Variants in LMO1 observed in about 807,000 individuals in gnomAD.
The protein encoded by LMO1 is rhombotin-1.
Under a neutral mutation model 18.0 loss-of-function variants are expected in LMO1, and 10 were observed. The ratio of observed to expected loss-of-function variants is 0.55; its 90% CI spans 0.34 to 0.94. The LOEUF (loss-of-function observed/expected upper bound fraction) is 0.94. Ranked by LOEUF, LMO1 falls within the 40% of genes least tolerant of loss-of-function variation. LMO1 has a pLI of 0.02. For synonymous variants in LMO1, 77 were observed against 77.9 expected (o/e 0.99, Z 0.06); for missense variants, 183 against 205.7 (o/e 0.89, Z 0.68).
chr11:8,254,880 G>A (rs1459046691), intron 1 of LMO1, among the ~76,000 whole-genome samples: 3 of 152,208 alleles, frequency 2.0e-5, no homozygotes, highest in South Asian at 2.1e-4. Context: ...TGAGCTGTGG[G>A]AGCTGGAACC....
rs569650292 is a variant in LMO1 at position 8,246,515 on chromosome 11, A to G, written c.26-16011T>C. ...AAGCTATACAGACAGAAAGTAGTTT[A>G]GTGGTTGCCAGGGAGGGAGGAATGG... On this transcript the variant is annotated intron_variant, in intron 1 of 3. Coordinates refer to ENST00000335790, the MANE Select transcript of LMO1 (RefSeq NM_002315.3). 4.6e-5 allele frequency among the ~76,000 whole-genome samples: 7 copies of G among 152,356 alleles called. No individual in the cohort carries two copies. The South Asian group carries it at 1.0e-3, about 23-fold the overall frequency.
At chr11:8,257,157 G>A (rs926462327) in intron 1 of LMO1, among the ~76,000 whole-genome samples, 1 of 152,196 alleles carries the variant, frequency 6.6e-6, no homozygotes, top group Non-Finnish European at 1.5e-5. Context: ...GGGAACAGAT[G>A]TACAGAATCT....
chr11:8,224,615 G>A lies in LMO1; in HGVS notation c.*1C>T, dbSNP rs754843994. 2.6e-5 allele frequency: 41 copies of A among 1,589,516 alleles called. No homozygotes were observed. Among genetic ancestry groups the A allele is most frequent in the South Asian group, 4.5e-5 (4 of 88,448 alleles). On this transcript the variant is annotated 3_prime_UTR_variant, in exon 4 of 4. Coordinates refer to ENST00000335790, the MANE Select transcript of LMO1 (RefSeq NM_002315.3). ...CGGGCCTGGAGGCCAGGCGCCGGGC[G>A]TTACTGAACTTGGGATTCAAAGGTG...
At chr11:8,251,129 A>C (rs189474809) in intron 1 of LMO1, among the ~76,000 whole-genome samples, 1 of 152,188 alleles carries the variant, frequency 6.6e-6, no homozygotes, top group Non-Finnish European at 1.5e-5. Context: ...GCCCTGCCAC[A>C]CCCATTCCCC....
rs1952498214 is a variant in LMO1, at chr11:8,224,538, AGAGT to A, written c.*74_*77del. 1 of 813,864 alleles carries A rather than the reference AGAGT, an allele frequency of 1.2e-6. No homozygotes were observed. The highest frequency in any genetic ancestry group is 2.0e-5 in the Admixed American group (1 of 48,950). 50.4% of individuals were successfully genotyped at this position (813,864 alleles called of 1,614,324 possible). ...GAGCGGCTGGCCAGCCTGCACTGGT[AGAGT>A]GGCTGGCTGGCCGGCCAGGCAGGTG... On this transcript the variant is annotated 3_prime_UTR_variant, in exon 4 of 4. Transcript: ENST00000335790.
intron 1 of LMO1, among the ~76,000 whole-genome samples, chr11:8,248,679 C>T (rs1214721435): frequency 6.6e-6 from 1 of 152,254 alleles, no homozygotes; most frequent in African/African-American, 2.4e-5. Context: ...CCAGAATCAG[C>T]AGCTTTCATG....
At chr11:8,225,749 A>G (rs761094453) in intron 3 of LMO1, among the ~76,000 whole-genome samples, 3 of 152,178 alleles carry the variant, frequency 2.0e-5, no homozygotes, top group Non-Finnish European at 4.4e-5. Flanking sequence ...ATCCCAGTTC[A>G]ACCACCAGGT....
At chr11:8,268,379 C>T (rs1847282381), upstream of LMO1, 1 of 1,455,714 alleles carries the variant, frequency 6.9e-7, no homozygotes. Flanking sequence ...GTCTCCGCCC[C>T]ACGTCCCGCG....
intron 1 of LMO1, among the ~76,000 whole-genome samples, chr11:8,256,229 A>T (rs1206858712): frequency 6.6e-6 from 1 of 152,264 alleles, no homozygotes; most frequent in Non-Finnish European, 1.5e-5. Flanking sequence ...GTAACTGTAC[A>T]GAGAGCAATG....
intron 1 of LMO1, among the ~76,000 whole-genome samples, chr11:8,251,938 G>T (rs1171227568): frequency 6.7e-6 from 1 of 150,184 alleles, no homozygotes; most frequent in Non-Finnish European, 1.5e-5. Context: ...TAATGTGTGT[G>T]AATGTATGTG....
upstream of LMO1, among the ~76,000 whole-genome samples, chr11:8,264,383 C>T (rs543203917): frequency 1.3e-3 from 202 of 152,262 alleles, no homozygotes; most frequent in Non-Finnish European, 2.4e-3. Context: ...ATTTACTGAG[C>T]ATGTATTATG....
At chr11:8,245,668 C>G (rs1846881941) in intron 1 of LMO1, among the ~76,000 whole-genome samples, 1 of 152,190 alleles carries the variant, frequency 6.6e-6, no homozygotes, top group South Asian at 2.1e-4. Flanking sequence ...GTTCGGACAA[C>G]CAAGGATGGC....
intron 1 of LMO1, among the ~76,000 whole-genome samples, chr11:8,248,487 C>T (rs1330292130): frequency 1.3e-5 from 2 of 152,340 alleles, no homozygotes; most frequent in African/African-American, 2.4e-5. Flanking sequence ...ACAGACCTCT[C>T]CCCTGAGGGA....
chr11:8,250,234 A>G (rs1846966687), intron 1 of LMO1, among the ~76,000 whole-genome samples: 2 of 152,242 alleles, frequency 1.3e-5, no homozygotes, highest in African/African-American at 2.4e-5. Flanking sequence ...CAACTTCTGC[A>G]GATCTAAACT....
chr11:8,236,741 C>T (rs1351915292), intron 1 of LMO1, among the ~76,000 whole-genome samples: 1 of 152,160 alleles, frequency 6.6e-6, no homozygotes, highest in Non-Finnish European at 1.5e-5. Context: ...GGGACTGTGT[C>T]TGTTTTATTC....
rs1445681874 is a variant in LMO1, at chr11:8,244,487, T to C, written c.26-13983A>G. Among the ~76,000 whole-genome samples the C allele has an allele frequency of 2.0e-5, 3 of 152,250 alleles. No individual in the cohort carries two copies. The East Asian group carries it at 5.8e-4, about 29-fold the overall frequency. On this transcript the variant is annotated intron_variant, in intron 1 of 3. Transcript: ENST00000335790. ...GTGTGTCTTTTTCAGTATAAATGAT[T>C]TATTACGATGATTAGCAGCACATAA...
chr11:8,242,784 G>A (rs1305995060), intron 1 of LMO1, among the ~76,000 whole-genome samples: 2 of 152,188 alleles, frequency 1.3e-5, no homozygotes, highest in African/African-American at 2.4e-5. Context: ...ACTCTCAGAC[G>A]AGTCTCAATT....
chr11:8,230,999 T>C (rs1047904640), intron 1 of LMO1, among the ~76,000 whole-genome samples: 3 of 152,158 alleles, frequency 2.0e-5, no homozygotes, highest in Non-Finnish European at 2.9e-5. Context: ...GGTCTATCCA[T>C]GTAGAGCTGT....
At chr11:8,251,800 G>A (rs547542077) in intron 1 of LMO1, among the ~76,000 whole-genome samples, 52 of 150,988 alleles carry the variant, frequency 3.4e-4, no homozygotes, top group African/African-American at 1.1e-3. Flanking sequence ...TGTGGAGTGC[G>A]TGTGTGAGTG....
Sources: gnomAD v4.1 joint callset for allele counts (sites outside exome capture counted in the v4.1 genomes callset) on GRCh38, gnomAD v4.1.1 for gene constraint, MANE v1.5 for transcripts, NCBI Gene and HGNC (gene_info 2026-07-23, HGNC 2026-07-21) for gene names.